Variants in MAGI1 observed in about 807,000 individuals in gnomAD.
MAGI1 encodes the protein membrane associated guanylate kinase, WW and PDZ domain containing 1.
In MAGI1, 58 loss-of-function variants were observed where a neutral mutation model predicts 139.9. That is an observed-to-expected ratio of 0.41 (90% CI 0.34 to 0.52). The LOEUF is 0.52. MAGI1 is among the 20% of genes least tolerant of loss of function. The pLI is 0.12. For synonymous variants in MAGI1, 812 were observed against 737.9 expected, an observed-to-expected ratio of 1.10 and a Z score of -1.63; for missense variants, 1,874 against 1,901.6, an observed-to-expected ratio of 0.99 and a Z score of 0.27.
At chr3:65,468,659 G>C (rs1469325932) in intron 5 of MAGI1, among the ~76,000 whole-genome samples, 1 of 152,050 alleles carries the variant, frequency 6.6e-6, no homozygotes, top group Non-Finnish European at 1.5e-5. Flanking sequence ...TTACAGGCGT[G>C]AGCCACTGCA....
At chr3:65,684,672 TG>T (rs2087865934) in intron 1 of MAGI1, among the ~76,000 whole-genome samples, 1 of 151,906 alleles carries the variant, frequency 6.6e-6, no homozygotes, top group Non-Finnish European at 1.5e-5. Context: ...TAAGTAAAAC[TG>T]GGGAAATCTG....
intron 1 of MAGI1, among the ~76,000 whole-genome samples, chr3:65,815,526 A>C (rs1487338750): frequency 6.6e-6 from 1 of 152,184 alleles, no homozygotes; most frequent in Non-Finnish European, 1.5e-5. Context: ...TGGATATATT[A>C]AAGAAAATAT....
At chr3:66,017,240 A>G (rs2067695522) in intron 1 of MAGI1, among the ~76,000 whole-genome samples, 1 of 152,242 alleles carries the variant, frequency 6.6e-6, no homozygotes, top group African/African-American at 2.4e-5. Flanking sequence ...GGAGTTAGTC[A>G]GTGCGGGAAG....
At chr3:65,590,495 C>T (rs1390579600) in intron 2 of MAGI1, among the ~76,000 whole-genome samples, 2 of 152,168 alleles carry the variant, frequency 1.3e-5, no homozygotes, top group African/African-American at 2.4e-5. Context: ...TTTAATTCAA[C>T]ACTTGCTATT....
At chr3:65,440,864 T>G (rs1001617460) in intron 8 of MAGI1, among the ~76,000 whole-genome samples, 3 of 150,798 alleles carry the variant, frequency 2.0e-5, no homozygotes, top group African/African-American at 7.3e-5. Context: ...TACATATATA[T>G]GTATACACAT....
At chr3:65,420,199 G>A (rs945184330) in intron 12 of MAGI1, among the ~76,000 whole-genome samples, 8 of 152,054 alleles carry the variant, frequency 5.3e-5, no homozygotes, top group African/African-American at 1.9e-4. Context: ...AATGGAATTC[G>A]AACTCCAGGT....
intron 1 of MAGI1, among the ~76,000 whole-genome samples, chr3:65,861,072 C>A (rs998880465): frequency 3.3e-5 from 5 of 152,104 alleles, no homozygotes; most frequent in Admixed American, 1.3e-4. Flanking sequence ...ACAGCCAAAG[C>A]ACAGCCACAA....
At chr3:65,593,606 T>C (rs1244284198) in intron 2 of MAGI1, among the ~76,000 whole-genome samples, 1 of 152,058 alleles carries the variant, frequency 6.6e-6, no homozygotes, top group African/African-American at 2.4e-5. Context: ...TTTCAAGGAG[T>C]TGTACTTTTT....
chr3:65,813,174 T>C (rs571407965), intron 1 of MAGI1, among the ~76,000 whole-genome samples: 1 of 152,212 alleles, frequency 6.6e-6, no homozygotes, highest in East Asian at 1.9e-4. Flanking sequence ...CATTTGCACA[T>C]ATACCTGAAC....
At chr3:65,963,417 A>G (rs1000724120) in intron 1 of MAGI1, among the ~76,000 whole-genome samples, 1 of 152,028 alleles carries the variant, frequency 6.6e-6, no homozygotes. Flanking sequence ...AGAGATCCAG[A>G]CCATCCTGGC....
At chr3:65,497,384 G>T (rs1158336467) in intron 2 of MAGI1, among the ~76,000 whole-genome samples, 1 of 152,140 alleles carries the variant, frequency 6.6e-6, no homozygotes, top group Non-Finnish European at 1.5e-5. Context: ...TGATGTCTTG[G>T]AGCCAAGTGA....
chr3:65,834,388 G>A (rs2042691296), intron 1 of MAGI1, among the ~76,000 whole-genome samples: 1 of 152,238 alleles, frequency 6.6e-6, no homozygotes. Flanking sequence ...AGTCCAAGTA[G>A]CTGGAGCTAT....
At chr3:65,488,147 T>C (rs1951746032) in intron 3 of MAGI1, among the ~76,000 whole-genome samples, 1 of 152,108 alleles carries the variant, frequency 6.6e-6, no homozygotes, top group South Asian at 2.1e-4. Context: ...CACATCGTTC[T>C]CTGTGGATTC....
intron 1 of MAGI1, among the ~76,000 whole-genome samples, chr3:65,713,086 A>G (rs2031705680): frequency 6.6e-6 from 1 of 152,204 alleles, no homozygotes; most frequent in Non-Finnish European, 1.5e-5. Flanking sequence ...AGAAAGTCCT[A>G]GAGAGAGAAT....
chr3:65,744,082 C>T (rs1484434595), intron 1 of MAGI1, among the ~76,000 whole-genome samples: 1 of 152,036 alleles, frequency 6.6e-6, no homozygotes, highest in Non-Finnish European at 1.5e-5. Context: ...CATTTCAAAT[C>T]AGTTTTTAGG....
chr3:65,491,824 C>G (rs1315594976), intron 3 of MAGI1, among the ~76,000 whole-genome samples: 1 of 152,068 alleles, frequency 6.6e-6, no homozygotes, highest in East Asian at 1.9e-4. Context: ...TAGCAACACT[C>G]AAAAACAAAC....
At chr3:65,942,155 G>A (rs147259766) in intron 1 of MAGI1, among the ~76,000 whole-genome samples, 1 of 151,872 alleles carries the variant, frequency 6.6e-6, no homozygotes, top group Non-Finnish European at 1.5e-5. Flanking sequence ...ACAGCATGTT[G>A]CTATATGCAC....
intron 1 of MAGI1, among the ~76,000 whole-genome samples, chr3:65,906,298 A>T (rs2061429559): frequency 6.6e-6 from 1 of 152,206 alleles, no homozygotes. Flanking sequence ...AGGAAGCACC[A>T]GGGCTGGGTG....
chr3:66,014,515 C>T (rs1473438036), intron 1 of MAGI1, among the ~76,000 whole-genome samples: 3 of 152,168 alleles, frequency 2.0e-5, no homozygotes, highest in African/African-American at 7.2e-5. Context: ...TTCAACCACC[C>T]ACAACACATA....
Sources: allele counts gnomAD v4.1 joint callset (sites outside exome capture counted in the v4.1 genomes callset), GRCh38; gene constraint gnomAD v4.1.1; transcripts MANE v1.5; gene names NCBI Gene and HGNC (gene_info 2026-07-23, HGNC 2026-07-21).